KCNH1: variants seen among roughly 807,000 people sequenced by gnomAD.
KCNH1 encodes potassium voltage-gated channel subfamily H member 1, also known as voltage-gated delayed rectifier potassium channel KCNH1.
KCNH1 carries 27 observed loss-of-function variants against 69.2 expected under a neutral mutation model. That is an observed-to-expected ratio of 0.39 (90% CI 0.29 to 0.54). The LOEUF (loss-of-function observed/expected upper bound fraction) is 0.54. Among genes scored for constraint, KCNH1 ranks in the 20% least tolerant of loss-of-function variants. KCNH1 has a pLI of 0.68. For missense variants in KCNH1, 798 were observed against 1,261.6 expected (o/e 0.63, Z 5.57); for synonymous variants, 456 against 487.7 (o/e 0.93, Z 0.86).
intron 7 of KCNH1, among the ~76,000 whole-genome samples, chr1:210,900,074 C>T (rs930616096): frequency 6.6e-6 from 1 of 152,152 alleles, no homozygotes; most frequent in South Asian, 2.1e-4. Context: ...CTATACTGTG[C>T]CCTAAGAACA....
intron 3 of KCNH1, among the ~76,000 whole-genome samples, chr1:211,099,301 G>A (rs1434414067): frequency 6.6e-6 from 1 of 151,942 alleles, no homozygotes; most frequent in East Asian, 1.9e-4. Context: ...TGAGTCTGTT[G>A]GGTGTTTTTT....
chr1:210,918,443 T>C (rs1687391341), intron 7 of KCNH1, among the ~76,000 whole-genome samples: 1 of 152,242 alleles, frequency 6.6e-6, no homozygotes, highest in African/African-American at 2.4e-5. Flanking sequence ...AGTTTCACAA[T>C]GAGTCCAATC....
At chr1:210,888,695 TA>T (rs1330850481) in intron 7 of KCNH1, among the ~76,000 whole-genome samples, 1 of 151,792 alleles carries the variant, frequency 6.6e-6, no homozygotes, top group Non-Finnish European at 1.5e-5. Context: ...AAGAATCAAA[TA>T]GACACAATAA....
At chr1:210,741,451 C>T (rs1007962377) in intron 10 of KCNH1, among the ~76,000 whole-genome samples, 4 of 151,764 alleles carry the variant, frequency 2.6e-5, no homozygotes, top group African/African-American at 4.8e-5. Flanking sequence ...GGTGGGGAGG[C>T]GAAAGGAGAA....
intron 7 of KCNH1, among the ~76,000 whole-genome samples, chr1:210,840,238 T>C (rs1334327859): frequency 6.6e-6 from 1 of 152,082 alleles, no homozygotes; most frequent in African/African-American, 2.4e-5. Flanking sequence ...GTTGTTGCCT[T>C]TTGGGTGTTT....
chr1:210,718,360 A>G (rs1682323457), intron 10 of KCNH1, among the ~76,000 whole-genome samples: 1 of 110,630 alleles, frequency 9.0e-6, no homozygotes, highest in African/African-American at 3.3e-5. Flanking sequence ...ATATACATAT[A>G]TTTATATATA....
chr1:211,063,918 A>G (rs1223287775), intron 5 of KCNH1, among the ~76,000 whole-genome samples: 1 of 152,262 alleles, frequency 6.6e-6, no homozygotes, highest in East Asian at 1.9e-4. Flanking sequence ...TACACATTGT[A>G]TACTTGTATC....
chr1:210,797,379 T>C (rs1684336377), intron 9 of KCNH1, 129 bp downstream of exon 9: 3 of 986,770 alleles, frequency 3.0e-6, no homozygotes, highest in Non-Finnish European at 4.6e-6. Context: ...GTTGGATAGA[T>C]AAGTGAATAT....
intron 7 of KCNH1, among the ~76,000 whole-genome samples, chr1:210,806,062 A>G (rs1481737794): frequency 6.6e-6 from 1 of 151,990 alleles, no homozygotes; most frequent in East Asian, 1.9e-4. Flanking sequence ...CATATTTTCA[A>G]TTCTTTTGTG....
chr1:210,917,149 A>C (rs543716292), intron 7 of KCNH1, among the ~76,000 whole-genome samples: 6 of 151,644 alleles, frequency 4.0e-5, no homozygotes, highest in African/African-American at 1.5e-4. Flanking sequence ...GTGTCTCAAA[A>C]AGAGAGAGAG....
intron 6 of KCNH1, among the ~76,000 whole-genome samples, chr1:210,987,871 G>A (rs897180225): frequency 6.6e-6 from 1 of 152,218 alleles, no homozygotes; most frequent in East Asian, 1.9e-4. Context: ...TCTGTGCCCT[G>A]CCCCTAGAGG....
In KCNH1 at chr1:210,851,504, G is replaced by A. The variant is rs1685702013; in HGVS notation, c.1463-47338C>T. 2.0e-5 allele frequency among the ~76,000 whole-genome samples: 3 copies of A among 152,176 alleles called. No homozygotes were observed. In the South Asian group the frequency reaches 6.2e-4, roughly 32 times the overall value. Reference sequence around the variant, plus strand: ...ACTTTGAGAGTCACATTACCTCTCTGACCTTTAGTTTCATCAATTGGAGAT... The same window carrying A: ...ACTTTGAGAGTCACATTACCTCTCTAACCTTTAGTTTCATCAATTGGAGAT... On this transcript the variant is annotated intron_variant, in intron 7 of 10. Transcript: ENST00000271751.
chr1:210,841,514 T>G (rs756939344), intron 7 of KCNH1, among the ~76,000 whole-genome samples: 2 of 152,190 alleles, frequency 1.3e-5, no homozygotes, highest in Non-Finnish European at 2.9e-5. Flanking sequence ...CCTATATAGC[T>G]AGATTAAATG....
chr1:210,848,336 C>T (rs1685605916), intron 7 of KCNH1, among the ~76,000 whole-genome samples: 2 of 152,202 alleles, frequency 1.3e-5, no homozygotes, highest in South Asian at 4.1e-4. Context: ...CTCTTACTGA[C>T]TGGTTGGTCA....
chr1:210,856,100 T>C (rs1034351319), intron 7 of KCNH1, among the ~76,000 whole-genome samples: 3 of 152,190 alleles, frequency 2.0e-5, no homozygotes, highest in African/African-American at 4.8e-5. Flanking sequence ...ACTGAGCCTG[T>C]TATAGAAAAA....
intron 7 of KCNH1, among the ~76,000 whole-genome samples, chr1:210,804,660 A>T (rs749772238): frequency 6.6e-6 from 1 of 152,222 alleles, no homozygotes; most frequent in South Asian, 2.1e-4. Flanking sequence ...CAAGGACAGG[A>T]TGGTGAATAA....
At chr1:210,889,263 T>A (rs564562716) in intron 7 of KCNH1, among the ~76,000 whole-genome samples, 1 of 152,138 alleles carries the variant, frequency 6.6e-6, no homozygotes, top group Non-Finnish European at 1.5e-5. Context: ...CACAAATAAA[T>A]AAGCATAATC....
intron 5 of KCNH1, among the ~76,000 whole-genome samples, chr1:211,037,133 A>C (rs955428809): frequency 6.6e-6 from 1 of 152,194 alleles, no homozygotes; most frequent in Non-Finnish European, 1.5e-5. Context: ...GTATTTTTAA[A>C]TCCTTATAAC....
At chr1:210,813,531 T>A (rs1384947557) in intron 7 of KCNH1, among the ~76,000 whole-genome samples, 1 of 152,230 alleles carries the variant, frequency 6.6e-6, no homozygotes, top group Non-Finnish European at 1.5e-5. Context: ...ATCCAGCCCA[T>A]GTAAGAGCAA....
Sources: gnomAD v4.1 joint callset for allele counts (sites outside exome capture counted in the v4.1 genomes callset) on GRCh38, gnomAD v4.1.1 for gene constraint, MANE v1.5 for transcripts, NCBI Gene and HGNC (gene_info 2026-07-23, HGNC 2026-07-21) for gene names.